Variants in MGMT observed in about 807,000 individuals in gnomAD.
MGMT encodes the protein methylated-DNA--protein-cysteine methyltransferase.
Under a neutral mutation model 15.9 loss-of-function variants are expected in MGMT, and 14 were observed. The ratio of observed to expected loss-of-function variants is 0.88; its 90% CI spans 0.58 to 1.37. The LOEUF (loss-of-function observed/expected upper bound fraction) is 1.37. Among genes scored for constraint, MGMT ranks in the 40% most tolerant of loss-of-function variants. MGMT has a pLI of 0.00. For missense variants in MGMT, 282 were observed against 268.1 expected (o/e 1.05, Z -0.36); for synonymous variants, 130 against 118.2 (o/e 1.10, Z -0.65).
chr10:129,705,746 G>A (rs144109335), intron 2 of MGMT, among the ~76,000 whole-genome samples: 36 of 152,272 alleles, frequency 2.4e-4, no homozygotes, highest in South Asian at 1.2e-3. Flanking sequence ...TTGCAGCTCC[G>A]GGGCTGTGGT....
chr10:129,654,508 A>C (rs1189226830), intron 2 of MGMT, among the ~76,000 whole-genome samples: 1 of 152,152 alleles, frequency 6.6e-6, no homozygotes, highest in Non-Finnish European at 1.5e-5. Context: ...CTGAGCCTGC[A>C]TCCTTTGACC....
At chr10:129,736,906 G>T (rs1246066628) in intron 3 of MGMT, among the ~76,000 whole-genome samples, 71 of 152,224 alleles carry the variant, frequency 4.7e-4, no homozygotes, top group Non-Finnish European at 1.2e-4. Context: ...CTTCTGGCTT[G>T]TAGAGTTTCT....
chr10:129,540,641 CT>C (rs1304767463), intron 2 of MGMT, among the ~76,000 whole-genome samples: 1 of 152,306 alleles, frequency 6.6e-6, no homozygotes, highest in Middle Eastern at 3.4e-3. Context: ...CAGGTGTATA[CT>C]TTTCTTTTTT....
rs1036245310 is a variant in MGMT, at chr10:129,734,036, G to C, written c.275-25166G>C. 6.4e-4 allele frequency among the ~76,000 whole-genome samples: 97 copies of C among 151,328 alleles called. 1 individual carries two copies. In the East Asian group the frequency reaches 9.8e-3, roughly 15 times the overall value. On this transcript the variant is annotated intron_variant, in intron 3 of 4. Coordinates refer to ENST00000651593, the MANE Select transcript of MGMT (RefSeq NM_002412.5). Reference sequence around the variant, plus strand: ...TCTTTTGGCTTAGGATTGACTTGGCGATGCGGGCTCTTTTTTGGTTCCATA... The same window carrying C: ...TCTTTTGGCTTAGGATTGACTTGGCCATGCGGGCTCTTTTTTGGTTCCATA...
intron 2 of MGMT, among the ~76,000 whole-genome samples, chr10:129,662,229 T>C (rs1402411501): frequency 6.6e-6 from 1 of 152,014 alleles, no homozygotes; most frequent in Non-Finnish European, 1.5e-5. Flanking sequence ...TGCCCTACTG[T>C]ATAGGTCATA....
chr10:129,644,875 C>T (rs1423613805), intron 2 of MGMT, among the ~76,000 whole-genome samples: 1 of 152,090 alleles, frequency 6.6e-6, no homozygotes, highest in East Asian at 1.9e-4. Flanking sequence ...ACTTTTTGCA[C>T]ATCTCTTCAC....
intron 3 of MGMT, among the ~76,000 whole-genome samples, chr10:129,741,807 G>A: frequency 6.6e-6 from 1 of 152,088 alleles, no homozygotes; most frequent in Non-Finnish European, 1.5e-5. Context: ...CAGAAGCTGG[G>A]CTGGCTCCAG....
intron 2 of MGMT, among the ~76,000 whole-genome samples, chr10:129,564,471 CCCCTTCCTCCT>C (rs200290281): frequency 0.013 from 1,079 of 83,984 alleles, 29 homozygotes; most frequent in South Asian, 0.023. Context: ...TCCTGTCTTT[CCCCTTCCTCCT>C]CCCTTCCTCC....
chr10:129,563,308 C>G (rs1197276205), intron 2 of MGMT, among the ~76,000 whole-genome samples: 1 of 152,022 alleles, frequency 6.6e-6, no homozygotes, highest in Non-Finnish European at 1.5e-5. Context: ...AGCGTGCTCA[C>G]TGTGTGTGGG....
At chr10:129,717,441 T>C (rs924068656) in intron 3 of MGMT, among the ~76,000 whole-genome samples, 1 of 152,156 alleles carries the variant, frequency 6.6e-6, no homozygotes, top group Non-Finnish European at 1.5e-5. Flanking sequence ...CAAAATAATA[T>C]CAAAAAGATT....
intron 1 of MGMT, among the ~76,000 whole-genome samples, chr10:129,528,305 C>T (rs1845892374): frequency 6.6e-6 from 1 of 151,852 alleles, no homozygotes; most frequent in South Asian, 2.1e-4. Flanking sequence ...CCTAGCCAGC[C>T]ATGGAGAGCT....
intron 2 of MGMT, among the ~76,000 whole-genome samples, chr10:129,631,638 C>G (rs941759329): frequency 1.3e-5 from 2 of 152,072 alleles, no homozygotes; most frequent in Non-Finnish European, 2.9e-5. Context: ...GCCTGGGCAA[C>G]AAGGCAAAAC....
rs80311629 is a variant in MGMT, at chr10:129,477,185, C to T, written c.-13+9889C>T. Among the ~76,000 whole-genome samples the T allele has an allele frequency of 5.1e-3, 770 of 152,278 alleles. 7 individuals carry two copies. The highest frequency in any genetic ancestry group is 0.017 in the African/African-American group (727 of 41,554). On this transcript the variant is annotated intron_variant, in intron 1 of 4. Transcript: ENST00000651593. ...TCCCCACGCAGACATGCTCTGCTGC[C>T]CTCTCTCTCAATCTTCCCCACTCTC...
Position 129,495,967 on chromosome 10 carries a change from C to T in MGMT, c.-13+28671C>T, listed in dbSNP as rs78142025. 3.6e-3 allele frequency among the ~76,000 whole-genome samples: 542 copies of T among 152,314 alleles called. 6 individuals carry two copies. The highest frequency in any genetic ancestry group is 0.012 in the African/African-American group (511 of 41,582). On this transcript the variant is annotated intron_variant, in intron 1 of 4. Coordinates refer to ENST00000651593, the MANE Select transcript of MGMT (RefSeq NM_002412.5). ...CATGCAGCTGACAAGATTGATACTG[C>T]ATTAGACATTCCTGGAGGTCCCTGC...
chr10:129,673,236 T>G (rs1847745558), intron 2 of MGMT, among the ~76,000 whole-genome samples: 1 of 152,152 alleles, frequency 6.6e-6, no homozygotes, highest in East Asian at 1.9e-4. Flanking sequence ...CTGTCTGCTC[T>G]TAGAATATGA....
chr10:129,689,403 G>A (rs1382138872), intron 2 of MGMT, among the ~76,000 whole-genome samples: 1 of 152,254 alleles, frequency 6.6e-6, no homozygotes, highest in African/African-American at 2.4e-5. Flanking sequence ...GATTCTTAGA[G>A]ATAGGAGTGA....
At chr10:129,488,817 C>T (rs904511115) in intron 1 of MGMT, among the ~76,000 whole-genome samples, 3 of 152,160 alleles carry the variant, frequency 2.0e-5, no homozygotes, top group Admixed American at 6.5e-5. Context: ...AGTAACCCCA[C>T]CTTTCTCCAG....
At chr10:129,589,927 G>T (rs138464384) in intron 2 of MGMT, among the ~76,000 whole-genome samples, 215 of 152,350 alleles carry the variant, frequency 1.4e-3, no homozygotes, top group Non-Finnish European at 2.3e-3. Flanking sequence ...CCAAGGGAGG[G>T]GTCCCAGGTG....
chr10:129,658,165 A>G (rs1271019936), intron 2 of MGMT, among the ~76,000 whole-genome samples: 4 of 152,190 alleles, frequency 2.6e-5, no homozygotes, highest in Non-Finnish European at 4.4e-5. Flanking sequence ...GTAAGGAACT[A>G]AAATGGAAGA....
Sources: allele counts gnomAD v4.1 joint callset (sites outside exome capture counted in the v4.1 genomes callset), GRCh38; gene constraint gnomAD v4.1.1; transcripts MANE v1.5; gene names NCBI Gene and HGNC (gene_info 2026-07-23, HGNC 2026-07-21).